The following L3MBTL3 variants were observed in gnomAD, a reference collection of about 807,000 sequenced individuals.
The protein encoded by L3MBTL3 is lethal(3)malignant brain tumor-like protein 3.
In L3MBTL3, 27 loss-of-function variants were observed where a neutral mutation model predicts 102.3. That is an observed-to-expected ratio of 0.26 (90% CI 0.19 to 0.36). L3MBTL3 has a LOEUF of 0.36. Among genes scored for constraint, L3MBTL3 ranks in the 10% least tolerant of loss-of-function variants. L3MBTL3 has a pLI of 1.00. For synonymous variants in L3MBTL3, 340 were observed against 320.9 expected (o/e 1.06, Z -0.64); for missense variants, 798 against 955.3 (o/e 0.84, Z 2.17).
chr6:130,140,265 A>G lies in L3MBTL3; in HGVS notation c.*512A>G, dbSNP rs1405120591. ...GTGCCATATTTTGAATTGCAACATT[A>G]TGCTAAGTATAACTTTGCAAGTCAT... On this transcript the variant is annotated 3_prime_UTR_variant, in exon 23 of 23. Transcript: ENST00000361794. 6.5e-6 allele frequency: 1 copy of G among 153,514 alleles called. No homozygotes were observed. The allele number at this position is 153,514 out of a possible 1,614,324, so 9.5% of individuals were successfully genotyped here. A position where few individuals can be genotyped will look rare whatever the true frequency, so the allele number is the denominator to read the frequency against.
At chr6:130,047,865 T>G (rs989386964) in intron 3 of L3MBTL3, among the ~76,000 whole-genome samples, 3 of 152,198 alleles carry the variant, frequency 2.0e-5, no homozygotes, top group Non-Finnish European at 4.4e-5. Flanking sequence ...TATTTTTAGC[T>G]CTTTTCCTTC....
chr6:130,122,123 T>A (rs1786263990), intron 20 of L3MBTL3, among the ~76,000 whole-genome samples: 1 of 152,224 alleles, frequency 6.6e-6, no homozygotes, highest in Admixed American at 6.5e-5. Flanking sequence ...ATTATTTATT[T>A]TTTATAAGAA....
At chr6:130,036,868 G>A (rs1407238597) in intron 2 of L3MBTL3, among the ~76,000 whole-genome samples, 2 of 152,090 alleles carry the variant, frequency 1.3e-5, no homozygotes, top group East Asian at 1.9e-4. Context: ...CCAGATTTTC[G>A]GAGGAGAACA....
At chr6:130,102,100 G>A (rs1784729463) in intron 18 of L3MBTL3, among the ~76,000 whole-genome samples, 1 of 148,994 alleles carries the variant, frequency 6.7e-6, no homozygotes, top group Non-Finnish European at 1.5e-5. Flanking sequence ...TATCTCAGGG[G>A]GAAAAAAAAA....
At chr6:130,057,803 A>G (rs1224762462) in intron 9 of L3MBTL3, among the ~76,000 whole-genome samples, 2 of 152,240 alleles carry the variant, frequency 1.3e-5, no homozygotes, top group East Asian at 3.8e-4. Context: ...AGATGAAGAA[A>G]AAATGTTAGG....
chr6:130,045,787 T>C (rs1244676892), intron 3 of L3MBTL3, among the ~76,000 whole-genome samples: 1 of 152,212 alleles, frequency 6.6e-6, no homozygotes, highest in African/African-American at 2.4e-5. Context: ...TGTAGGAGTC[T>C]CCATGAATAC....
intron 19 of L3MBTL3, among the ~76,000 whole-genome samples, chr6:130,107,208 T>G (rs1463600928): frequency 4.5e-5 from 1 of 21,992 alleles, no homozygotes; most frequent in African/African-American, 8.2e-5. Context: ...GGTTGAACTG[T>G]ATCTTCTTGA....
chr6:130,129,498 C>G (rs1786859837), intron 20 of L3MBTL3, among the ~76,000 whole-genome samples: 1 of 152,042 alleles, frequency 6.6e-6, no homozygotes, highest in Non-Finnish European at 1.5e-5. Context: ...GAAGGATGAC[C>G]ATTCCTTCCA....
chr6:130,062,251 C>T (rs1481634914), intron 10 of L3MBTL3, among the ~76,000 whole-genome samples: 2 of 152,120 alleles, frequency 1.3e-5, no homozygotes, highest in African/African-American at 2.4e-5. Context: ...CCCTTCCTTC[C>T]TCCCATATTC....
Position 130,054,559 on chromosome 6 carries a change from A to G in L3MBTL3, c.583-612A>G, listed in dbSNP as rs542718955. Among the ~76,000 whole-genome samples, 13 of 152,334 alleles carry G rather than the reference A, an allele frequency of 8.5e-5. No individual in the cohort carries two copies. In the East Asian group the frequency reaches 2.5e-3, roughly 29 times the overall value. On this transcript the variant is annotated intron_variant, in intron 7 of 22. Transcript: ENST00000361794. ...TGAGGAAAAGAGAAAAATCAGGGATAAAACTTTGGCTTTAACAATTGGCTG... is the reference window on the plus strand; with the variant it reads ...TGAGGAAAAGAGAAAAATCAGGGATGAAACTTTGGCTTTAACAATTGGCTG...
At chr6:130,060,888 A>AATTTAAATTTAAAAATT (rs1781851000) in intron 10 of L3MBTL3, among the ~76,000 whole-genome samples, 1 of 151,910 alleles carries the variant, frequency 6.6e-6, no homozygotes, top group Non-Finnish European at 1.5e-5. Context: ...TCCCAAAAGA[A>AATTTAAATTTAAAAATT]TAAAATAGTC....
chr6:130,038,253 T>G (rs1410421050), intron 2 of L3MBTL3, among the ~76,000 whole-genome samples: 2 of 152,092 alleles, frequency 1.3e-5, no homozygotes, highest in Non-Finnish European at 2.9e-5. Flanking sequence ...ATATCTGATA[T>G]ACTGATTTCC....
chr6:130,070,241 A>G (rs946799363), intron 12 of L3MBTL3, among the ~76,000 whole-genome samples: 3 of 152,204 alleles, frequency 2.0e-5, no homozygotes, highest in Non-Finnish European at 4.4e-5. Flanking sequence ...ATTCCTCACA[A>G]AAGATTGTAA....
rs917925076 is a variant in L3MBTL3, at chr6:130,049,783, C to T, written c.242C>T (p.Pro81Leu). ...CCGACCTCTCCCCCGAGCTCCAGGC[C>T]CGTATTTCCACCTGCCTACTGGACA... ...EAPTSPPSSR[P>L]VFPPAYWTSP... The change falls in exon 5 of 23, where the codon CCC (proline) becomes CTC (leucine). Residue 81 changes from proline to leucine, a missense_variant. Physicochemically the swap from Pro to Leu is moderately conservative, Grantham distance 98 (BLOSUM62 -3). This residue lies in a region of L3MBTL3 where 434 missense variants were observed against 506.6 expected (regional missense o/e 0.86). Transcript: ENST00000361794. 1 of 1,614,014 alleles carries T rather than the reference C, an allele frequency of 6.2e-7. No individual in the cohort carries two copies. The highest frequency in any genetic ancestry group is 8.5e-7 in the Non-Finnish European group (1 of 1,179,942).
chr6:130,035,447 TTC>T (rs1369805621), intron 2 of L3MBTL3, among the ~76,000 whole-genome samples: 6 of 152,170 alleles, frequency 3.9e-5, no homozygotes. Context: ...TAGGAGGTAA[TTC>T]TGAGGAAAGT....
At chr6:130,065,537 G>A (rs1280183186) in intron 10 of L3MBTL3, among the ~76,000 whole-genome samples, 1 of 152,154 alleles carries the variant, frequency 6.6e-6, no homozygotes, top group Admixed American at 6.5e-5. Context: ...AGGATTAATT[G>A]CCCTGGCTCT....
intron 2 of L3MBTL3, among the ~76,000 whole-genome samples, chr6:130,033,745 T>G (rs1779872785): frequency 6.6e-6 from 1 of 152,258 alleles, no homozygotes; most frequent in African/African-American, 2.4e-5. Flanking sequence ...CTATACCTTA[T>G]TTTTGAAAAA....
At chr6:130,130,090 A>T (rs778609882) in intron 20 of L3MBTL3, among the ~76,000 whole-genome samples, 28 of 152,210 alleles carry the variant, frequency 1.8e-4, no homozygotes, top group Non-Finnish European at 3.7e-4. Context: ...TGGTACTAGG[A>T]TTGGAAGAGT....
chr6:130,138,639 G>A (rs1295137150), intron 22 of L3MBTL3, among the ~76,000 whole-genome samples: 5 of 152,098 alleles, frequency 3.3e-5, no homozygotes, highest in African/African-American at 9.7e-5. Context: ...ATCAATATAC[G>A]AATTTTTGTG....
Sources: allele counts gnomAD v4.1 joint callset (sites outside exome capture counted in the v4.1 genomes callset), GRCh38; gene constraint gnomAD v4.1.1; regional missense constraint gnomAD v4.1.1; transcripts MANE v1.5; gene names NCBI Gene and HGNC (gene_info 2026-07-23, HGNC 2026-07-21).